Variants in KIAA1549L observed in about 807,000 individuals in gnomAD.
The protein encoded by KIAA1549L is UPF0606 protein KIAA1549L.
Under a neutral mutation model 160.7 loss-of-function variants are expected in KIAA1549L, and 88 were observed. That is an observed-to-expected ratio of 0.55 (90% CI 0.46 to 0.65). The LOEUF (loss-of-function observed/expected upper bound fraction) is 0.65, where lower values mean the gene tolerates loss of function less well. Ranked by LOEUF, KIAA1549L falls within the 30% of genes least tolerant of loss-of-function variation. KIAA1549L has a pLI of 0.00. For missense variants in KIAA1549L, 2,258 were observed against 2,437.5 expected (o/e 0.93, Z 1.55); for synonymous variants, 950 against 976.7 (o/e 0.97, Z 0.51).
chr11:33,435,800 A>ATATG (rs1554976797), intron 1 of KIAA1549L, among the ~76,000 whole-genome samples: 4 of 12,888 alleles, frequency 3.1e-4, no homozygotes, highest in African/African-American at 1.2e-3. Flanking sequence ...ATATATATAT[A>ATATG]TATATATATA....
chr11:33,574,952 A>AT (rs763188015), intron 10 of KIAA1549L, 79 bp downstream of exon 10: 2 of 1,216,330 alleles, frequency 1.6e-6, no homozygotes. Context: ...CCCCAAAATC[A>AT]TGTTAATGGT....
intron 12 of KIAA1549L, among the ~76,000 whole-genome samples, chr11:33,596,135 C>A (rs1275287268): frequency 1.3e-5 from 2 of 152,182 alleles, no homozygotes; most frequent in African/African-American, 4.8e-5. Flanking sequence ...AGAATGGGGA[C>A]TTTTGCATTC....
At chr11:33,402,553 T>C (rs1029883577) in intron 1 of KIAA1549L, among the ~76,000 whole-genome samples, 1 of 152,224 alleles carries the variant, frequency 6.6e-6, no homozygotes, top group Non-Finnish European at 1.5e-5. Flanking sequence ...GAAATCTGTG[T>C]CCATCTCACA....
intron 1 of KIAA1549L, among the ~76,000 whole-genome samples, chr11:33,483,204 G>A (rs549620557): frequency 1.1e-4 from 16 of 152,148 alleles, no homozygotes; most frequent in Non-Finnish European, 1.9e-4. Flanking sequence ...TAGTGCCATC[G>A]TTCTAGAATA....
chr11:33,585,625 G>T (rs777122324), intron 11 of KIAA1549L, among the ~76,000 whole-genome samples: 31 of 152,308 alleles, frequency 2.0e-4, no homozygotes, highest in African/African-American at 7.2e-4. Flanking sequence ...GAATCTAACT[G>T]TACCCACATC....
chr11:33,578,440 T>C (rs1855527009), intron 10 of KIAA1549L, among the ~76,000 whole-genome samples: 1 of 152,188 alleles, frequency 6.6e-6, no homozygotes, highest in African/African-American at 2.4e-5. Flanking sequence ...TTTCCTTTTG[T>C]CCATCCCATC....
At position 33,606,711 on chromosome 11, in the gene KIAA1549L, T is replaced by C. The variant is rs780392076; in HGVS notation, c.4950T>C (p.Phe1650=). 1.9e-6 allele frequency: 3 copies of C among 1,613,998 alleles called. No individual in the cohort carries two copies. The highest frequency in any genetic ancestry group is 1.1e-5 in the South Asian group (1 of 91,082). ...DNSSKVAAEP[F]DTSSGSVQLI... ...CCAGCAAGGTGGCCGCTGAACCCTT[T>C]GACACATCTTCTGGGTCTGTGCAGC... The change falls in exon 14 of 21, where the codon TTT becomes TTC. Residue 1650 remains phenylalanine (F), a synonymous_variant. Transcript: ENST00000658780.
intron 1 of KIAA1549L, among the ~76,000 whole-genome samples, chr11:33,494,228 A>G (rs1852761961): frequency 6.6e-6 from 1 of 152,242 alleles, no homozygotes; most frequent in Admixed American, 6.5e-5. Context: ...AAGCAATTAT[A>G]TAGATATGTT....
At chr11:33,654,367 G>A (rs112840219) in intron 17 of KIAA1549L, among the ~76,000 whole-genome samples, 1 of 152,192 alleles carries the variant, frequency 6.6e-6, no homozygotes, top group Admixed American at 6.5e-5. Context: ...TCTGAATCTT[G>A]TTTGTTTTTT....
Position 33,495,639 on chromosome 11 carries a change from C to T in KIAA1549L, c.239-46163C>T, listed in dbSNP as rs191418466. Among the ~76,000 whole-genome samples, 9 of 152,232 alleles carry T rather than the reference C, an allele frequency of 5.9e-5. 1 individual carries two copies. The highest frequency in any genetic ancestry group is 2.1e-4 in the South Asian group (1 of 4,818). On this transcript the variant is annotated intron_variant, in intron 1 of 20. Transcript: ENST00000658780. Reference sequence around the variant, plus strand: ...TGATTTATAGTCCTTTGGGTATATACCCAGCAATGGGATGGCTGGGTCAAA... The same window carrying T: ...TGATTTATAGTCCTTTGGGTATATATCCAGCAATGGGATGGCTGGGTCAAA...
chr11:33,599,033 A>C, intron 13 of KIAA1549L, 86 bp downstream of exon 13: 3 of 1,460,040 alleles, frequency 2.1e-6, no homozygotes, highest in Non-Finnish European at 2.8e-6. Context: ...GCACAAACTC[A>C]CACACAGCCA....
At chr11:33,644,951 A>G (rs1851676236) in intron 16 of KIAA1549L, among the ~76,000 whole-genome samples, 1 of 152,218 alleles carries the variant, frequency 6.6e-6, no homozygotes, top group African/African-American at 2.4e-5. Context: ...CAAGCACGAG[A>G]CCGTCCATGC....
chr11:33,614,584 A>AT (rs869257067), intron 15 of KIAA1549L, among the ~76,000 whole-genome samples: 2 of 5,118 alleles, frequency 3.9e-4, no homozygotes, highest in Non-Finnish European at 7.0e-4. Context: ...ATATATATAT[A>AT]TTTTTTTTTT....
rs1852429880 is a variant in KIAA1549L at position 33,665,844 on chromosome 11, G to C, written c.6160-2029G>C. Among the ~76,000 whole-genome samples, 4 of 152,090 alleles carry C rather than the reference G, an allele frequency of 2.6e-5. 1 individual carries two copies. The highest frequency in any genetic ancestry group is 2.6e-4 in the Admixed American group (4 of 15,288). ...AGAGAGAGGCCAGGCAGCAGAAGCA[G>C]ACACCCCCAAGCCAGCAGGGAGGGG... is the stretch of plus-strand genomic sequence containing the variant. On this transcript the variant is annotated intron_variant, in intron 20 of 20. Coordinates refer to ENST00000658780, the MANE Select transcript of KIAA1549L (RefSeq NM_012194.3).
At chr11:33,506,333 A>C (rs764542750) in intron 1 of KIAA1549L, among the ~76,000 whole-genome samples, 43 of 152,166 alleles carry the variant, frequency 2.8e-4, no homozygotes, top group Non-Finnish European at 1.6e-4. Flanking sequence ...TTCAAAGCAC[A>C]TGCTGGGGCT....
In KIAA1549L at chr11:33,543,404, C is replaced by T; in HGVS notation, c.1841C>T (p.Ala614Val). The T allele has an allele frequency of 6.2e-7, 1 of 1,614,042 alleles. No homozygotes were observed. Among genetic ancestry groups the T allele is most frequent in the Non-Finnish European group, 8.5e-7 (1 of 1,179,892 alleles). Reference sequence around the variant, plus strand: ...AGTGTCTCATCTCCCATCATTACAGCACCAAGGACGAATCCCCTTCCTTCA... The same window carrying T: ...AGTGTCTCATCTCCCATCATTACAGTACCAAGGACGAATCCCCTTCCTTCA... ...TGSVSSPIIT[A>V]PRTNPLPSGP... is the part of the protein sequence containing the mutation. Residue 614 changes from alanine to valine, a missense_variant, in exon 2 of 21, where the codon GCA (alanine) becomes GTA (valine). By Grantham distance (64) the Ala-to-Val change is moderately conservative (BLOSUM62 0). Around this residue, in one of 6 missense-constraint regions of KIAA1549L, gnomAD observed 540 missense variants for 465.7 expected, o/e 1.16. Transcript: ENST00000658780.
chr11:33,662,872 C>T (rs756011144), intron 20 of KIAA1549L, among the ~76,000 whole-genome samples: 3 of 152,124 alleles, frequency 2.0e-5, no homozygotes, highest in Non-Finnish European at 2.9e-5. Context: ...AACCTTCCTG[C>T]CATGATGACT....
In KIAA1549L at chr11:33,669,553, C is replaced by G. The variant is rs1000612739; in HGVS notation, c.*1399C>G. ...TATCTGTTGGAGAATGAGGTCCTGT[C>G]CTGCTTTCACCCATGACCCATCTAG... On this transcript the variant is annotated 3_prime_UTR_variant, in exon 21 of 21. Coordinates refer to ENST00000658780, the MANE Select transcript of KIAA1549L (RefSeq NM_012194.3). The G allele has an allele frequency of 1.3e-5, 2 of 152,268 alleles. No individual in the cohort carries two copies. Among genetic ancestry groups the G allele is most frequent in the Non-Finnish European group, 2.9e-5 (2 of 68,074 alleles). 9.4% of individuals were successfully genotyped at this position (152,268 alleles called of 1,614,324 possible). A position where few individuals can be genotyped will look rare whatever the true frequency, so the allele number is the denominator to read the frequency against.
rs1291028468 is a variant in KIAA1549L, at chr11:33,435,788, A to ATGTGTGTGTGTGTG, written c.238+58900_238+58901insGTGTGTGTGTGTGT. ...TATATATATATATATATATATATAT[A>ATGTGTGTGTGTGTG]TATATATATATATATATATATATGT... On this transcript the variant is annotated intron_variant, in intron 1 of 20. Coordinates refer to ENST00000658780, the MANE Select transcript of KIAA1549L (RefSeq NM_012194.3). 1.5e-3 allele frequency among the ~76,000 whole-genome samples: 40 copies of ATGTGTGTGTGTGTG among 26,510 alleles called. 3 individuals are homozygous for ATGTGTGTGTGTGTG. Among genetic ancestry groups the ATGTGTGTGTGTGTG allele is most frequent in the South Asian group, 3.5e-3 (2 of 578 alleles). The allele number at this position is 26,510 out of a possible 152,430, so 17.4% of individuals were successfully genotyped here.
Sources: allele counts gnomAD v4.1 joint callset (sites outside exome capture counted in the v4.1 genomes callset), GRCh38; gene constraint gnomAD v4.1.1; regional missense constraint gnomAD v4.1.1; transcripts MANE v1.5; gene names NCBI Gene and HGNC (gene_info 2026-07-23, HGNC 2026-07-21).